The following TYRP1 variants were observed in gnomAD, a reference collection of about 807,000 sequenced individuals.
The protein encoded by TYRP1 is 5,6-dihydroxyindole-2-carboxylic acid oxidase.
Under a neutral mutation model 42.8 loss-of-function variants are expected in TYRP1, and 49 were observed. That is an observed-to-expected ratio of 1.14 (90% CI 0.91 to 1.45). The LOEUF (loss-of-function observed/expected upper bound fraction) is 1.45. TYRP1 is among the 40% of genes most tolerant of loss of function. The probability of loss-of-function intolerance (pLI) is 0.00; values close to 1 mark genes in which losing one functional copy is unlikely to be tolerated. For synonymous variants in TYRP1, 279 were observed against 235.4 expected (o/e 1.19, Z -1.69); for missense variants, 848 against 662.0 (o/e 1.28, Z -3.08).
rs886389594 is a variant in TYRP1, at chr9:12,695,523, A to T, written c.394A>T (p.Asn132Tyr). Reference sequence around the variant, plus strand: ...ATTTTGTATCCCTAAAGTCAGGAGAAATCTTCTGGACTTAAGTAAAGAAGA... The same window carrying T: ...ATTTTGTATCCCTAAAGTCAGGAGATATCTTCTGGACTTAAGTAAAGAAGA... ...CDQRVLIVRR[N>Y]LLDLSKEEKN... The change falls in exon 3 of 8, where the codon AAT (asparagine) becomes TAT (tyrosine). Residue 132 changes from asparagine to tyrosine, a missense_variant. Physicochemically the swap from Asn to Tyr is moderately radical, Grantham distance 143 (BLOSUM62 -2). Transcript: ENST00000388918. The T allele has an allele frequency of 3.1e-6, 5 of 1,614,004 alleles. No homozygotes were observed. The African/African-American group carries it at 5.3e-5, about 17-fold the overall frequency.
chr9:12,702,839 A>G lies in TYRP1; in HGVS notation c.1081+401A>G, dbSNP rs879830340. Reference sequence around the variant, plus strand: ...AGAGTAATAAAAAAAATTCCAAACAATTAGTTGACACTGAGTAAAGCCTTG... The same window carrying G: ...AGAGTAATAAAAAAAATTCCAAACAGTTAGTTGACACTGAGTAAAGCCTTG... On this transcript the variant is annotated intron_variant, in intron 5 of 7. Coordinates refer to ENST00000388918, the MANE Select transcript of TYRP1 (RefSeq NM_000550.3). Among the ~76,000 whole-genome samples, 9 of 152,196 alleles carry G rather than the reference A, an allele frequency of 5.9e-5. 1 individual carries two copies. In the East Asian group the frequency reaches 1.4e-3, roughly 23 times the overall value.
intron 6 of TYRP1, 73 bp downstream of exon 6, chr9:12,704,778 G>A (rs1281877563): frequency 2.8e-6 from 4 of 1,453,116 alleles, no homozygotes; most frequent in Admixed American, 3.4e-5. Flanking sequence ...ATCAGTTCAA[G>A]CTGAGCACTC....
rs941234320 is a variant in TYRP1, at chr9:12,698,470, C to T, written c.728C>T (p.Ser243Phe). 11 of 1,613,560 alleles carry T rather than the reference C, an allele frequency of 6.8e-6. No homozygotes were observed. Among genetic ancestry groups the T allele is most frequent in the Admixed American group, 1.7e-5 (1 of 59,914 alleles). ...KDMQEMLQEP[S>F]FSLPYWNFAT... ...ATCTAGGAAATGTTGCAAGAGCCTT[C>T]TTTCTCCCTTCCTTACTGGAATTTT... is the stretch of plus-strand genomic sequence containing the variant. Residue 243 changes from serine to phenylalanine, a missense_variant, in exon 4 of 8, where the codon TCT (serine) becomes TTT (phenylalanine). Physicochemically the swap from Ser to Phe is radical, Grantham distance 155. Transcript: ENST00000388918.
At chr9:12,703,778 C>T (rs759839631) in intron 5 of TYRP1, among the ~76,000 whole-genome samples, 2 of 151,704 alleles carry the variant, frequency 1.3e-5, no homozygotes, top group Non-Finnish European at 2.9e-5. Context: ...CCCTCTGGTC[C>T]TTCAACCCAA....
chr9:12,708,315 C>T (rs141520799), intron 7 of TYRP1, among the ~76,000 whole-genome samples, 172 bp downstream of exon 7: 70 of 151,966 alleles, frequency 4.6e-4, no homozygotes, highest in African/African-American at 1.7e-3. Context: ...GTTGAGAGTC[C>T]ACACTAAGCT....
At chr9:12,698,313 C>A in intron 3 of TYRP1, 138 bp from the exon 4 acceptor site, 1 of 845,102 alleles carries the variant, frequency 1.2e-6, no homozygotes, top group Non-Finnish European at 1.9e-6. Flanking sequence ...CTGGGCCCCT[C>A]AGACACCGTT....
chr9:12,696,603 C>T (rs111504146), intron 3 of TYRP1, among the ~76,000 whole-genome samples: 27 of 152,170 alleles, frequency 1.8e-4, no homozygotes, highest in African/African-American at 6.5e-4. Flanking sequence ...TTTTATTTGG[C>T]ACAAAGTGAA....
chr9:12,708,575 G>C (rs1273643056), intron 7 of TYRP1, among the ~76,000 whole-genome samples: 1 of 151,876 alleles, frequency 6.6e-6, no homozygotes, highest in African/African-American at 2.4e-5. Flanking sequence ...GATACTCTTA[G>C]GTATTTTTCT....
At chr9:12,695,084 T>TA (rs916133906) in intron 2 of TYRP1, among the ~76,000 whole-genome samples, 6 of 151,654 alleles carry the variant, frequency 4.0e-5, no homozygotes, top group Admixed American at 2.0e-4. Context: ...TTTTAATGAT[T>TA]AAAAAAAAAC....
At chr9:12,702,810 A>C (rs1024110299) in intron 5 of TYRP1, among the ~76,000 whole-genome samples, 17 of 151,540 alleles carry the variant, frequency 1.1e-4, no homozygotes, top group African/African-American at 4.1e-4. Context: ...TTTTTTTTTT[A>C]AATAGAGTAA....
At chr9:12,693,778 G>A in intron 1 of TYRP1, 134 bp from the exon 2 acceptor site, 1 of 140,936 alleles carries the variant, frequency 7.1e-6, no homozygotes, top group Non-Finnish European at 2.8e-5. Context: ...TGTGTGAAAT[G>A]TCACACTTTT....
At chr9:12,706,087 C>G (rs41313774) in intron 6 of TYRP1, among the ~76,000 whole-genome samples, 1 of 151,980 alleles carries the variant, frequency 6.6e-6, no homozygotes, top group Non-Finnish European at 1.5e-5. Context: ...GTTTTACAGT[C>G]ATGATGACCA....
In TYRP1 at chr9:12,695,772, C is replaced by G. The variant is rs1160525621; in HGVS notation, c.643C>G (p.His215Asp). 5 of 1,614,138 alleles carry G rather than the reference C, an allele frequency of 3.1e-6. No individual in the cohort carries two copies. Among genetic ancestry groups the G allele is most frequent in the Non-Finnish European group, 4.2e-6 (5 of 1,180,014 alleles). ...AAGCTTTGGTGAAGTGGATTTCTCT[C>G]ATGAGGGACCAGCTTTTCTCACATG... ...QESFGEVDFS[H>D]EGPAFLTWHR... is the part of the protein sequence containing the mutation. Residue 215 changes from histidine to aspartate, a missense_variant, in exon 3 of 8, where the codon CAT becomes GAT. Transcript: ENST00000388918.
intron 1 of TYRP1, 64 bp from the exon 2 acceptor site, chr9:12,693,848 G>C: frequency 2.0e-6 from 2 of 983,956 alleles, no homozygotes; most frequent in Admixed American, 4.5e-5. Flanking sequence ...GTTTGGGAAG[G>C]GGGCATACCA....
At chr9:12,708,652 G>A (rs547406584) in intron 7 of TYRP1, among the ~76,000 whole-genome samples, 3 of 152,048 alleles carry the variant, frequency 2.0e-5, no homozygotes, top group Admixed American at 6.6e-5. Context: ...GGGCATAGTG[G>A]AAAAGTACAA....
At chr9:12,706,814 G>C (rs1818266248) in intron 6 of TYRP1, among the ~76,000 whole-genome samples, 1 of 151,968 alleles carries the variant, frequency 6.6e-6, no homozygotes, top group African/African-American at 2.4e-5. Flanking sequence ...CAAGAGTCTT[G>C]TTTAAAATAA....
At chr9:12,700,560 A>G (rs1027331552) in intron 4 of TYRP1, 2 of 152,072 alleles carry the variant, frequency 1.3e-5, no homozygotes, top group Non-Finnish European at 2.9e-5. Flanking sequence ...ATTCCACAGG[A>G]CTTTGGTCCA....
intron 2 of TYRP1, among the ~76,000 whole-genome samples, chr9:12,694,801 G>T (rs1430291576): frequency 3.3e-5 from 5 of 152,130 alleles, no homozygotes; most frequent in Admixed American, 6.6e-5. Flanking sequence ...AACTACCCCT[G>T]CTGACCCTTA....
intron 5 of TYRP1, 140 bp from the exon 6 acceptor site, chr9:12,704,386 G>A: frequency 1.3e-6 from 1 of 782,812 alleles, no homozygotes; most frequent in Non-Finnish European, 2.1e-6. Flanking sequence ...TAGGTACAGA[G>A]AAGCAGTGCT....
Sources: gnomAD v4.1 joint callset for allele counts (sites outside exome capture counted in the v4.1 genomes callset) on GRCh38, gnomAD v4.1.1 for gene constraint, MANE v1.5 for transcripts, NCBI Gene and HGNC (gene_info 2026-07-23, HGNC 2026-07-21) for gene names.